The following PAX7 variants were observed in gnomAD, a reference collection of about 807,000 sequenced individuals.
PAX7 encodes the protein paired box protein Pax-7.
Under a neutral mutation model 50.7 loss-of-function variants are expected in PAX7, and 18 were observed. That is an observed-to-expected ratio of 0.36 (90% CI 0.25 to 0.53). The LOEUF (loss-of-function observed/expected upper bound fraction) is 0.53. Ranked by LOEUF, PAX7 falls within the 20% of genes least tolerant of loss-of-function variation. PAX7 has a pLI of 0.93. For missense variants in PAX7, 644 were observed against 702.9 expected (o/e 0.92, Z 0.95); for synonymous variants, 310 against 290.4 (o/e 1.07, Z -0.69).
intron 7 of PAX7, among the ~76,000 whole-genome samples, chr1:18,733,785 C>G (rs1362719635): frequency 6.6e-6 from 1 of 152,218 alleles, no homozygotes; most frequent in African/African-American, 2.4e-5. Context: ...GATGCCTCAA[C>G]CTCATTCATT....
At chr1:18,716,728 A>AT (rs1274370280) in intron 7 of PAX7, among the ~76,000 whole-genome samples, 3 of 150,692 alleles carry the variant, frequency 2.0e-5, no homozygotes, top group Non-Finnish European at 4.4e-5. Flanking sequence ...GCCTCCTCCC[A>AT]TAGCTGGCCT....
intron 8 of PAX7, among the ~76,000 whole-genome samples, chr1:18,743,312 A>G (rs1392518393): frequency 6.6e-6 from 1 of 152,236 alleles, no homozygotes; most frequent in South Asian, 2.1e-4. Context: ...AACCTCCGTC[A>G]TTTGAACCAC....
chr1:18,657,628 G>A (rs1162368526), intron 4 of PAX7, among the ~76,000 whole-genome samples: 2 of 152,108 alleles, frequency 1.3e-5, no homozygotes, highest in Non-Finnish European at 2.9e-5. Flanking sequence ...CTAGGCCCAG[G>A]GACACTTAAA....
intron 4 of PAX7, among the ~76,000 whole-genome samples, chr1:18,655,996 T>C (rs1412910414): frequency 6.6e-6 from 1 of 152,184 alleles, no homozygotes; most frequent in East Asian, 1.9e-4. Flanking sequence ...TTTACCCTCC[T>C]GGCACTCCAA....
At chr1:18,637,381 T>G (rs1005256730) in intron 4 of PAX7, among the ~76,000 whole-genome samples, 5 of 108,312 alleles carry the variant, frequency 4.6e-5, no homozygotes, top group Non-Finnish European at 9.7e-5. Flanking sequence ...TCACAAAGAC[T>G]GACAGTTAAA....
At position 18,735,301 on chromosome 1, in the gene PAX7, T is replaced by C. The variant is rs570633070; in HGVS notation, c.1156-331T>C. On this transcript the variant is annotated intron_variant, in intron 7 of 8. Transcript: ENST00000420770. The surrounding 1 kb of genome is among the most constrained non-coding windows in gnomAD (Gnocchi z 4.0). ...GCCAGTTCGTTCATTCATGCATTCA[T>C]TCATGCATTTATTCATTCAATAGAC... Among the ~76,000 whole-genome samples, 1 of 152,272 alleles carries C rather than the reference T, an allele frequency of 6.6e-6. No homozygotes were observed. Among genetic ancestry groups the C allele is most frequent in the African/African-American group, 2.4e-5 (1 of 41,558 alleles).
intron 4 of PAX7, among the ~76,000 whole-genome samples, chr1:18,675,539 G>T (rs1189046707): frequency 6.6e-6 from 1 of 152,116 alleles, no homozygotes; most frequent in Non-Finnish European, 1.5e-5. Context: ...GGCTCTGGAG[G>T]TGGGGTAATT....
intron 7 of PAX7, among the ~76,000 whole-genome samples, chr1:18,711,764 T>A (rs2089354534): frequency 6.7e-6 from 1 of 150,254 alleles, no homozygotes; most frequent in African/African-American, 2.4e-5. Flanking sequence ...CACCCCTGTT[T>A]CTCTTTCTCT....
In PAX7 at chr1:18,700,525, C is replaced by T. The variant is rs894532525; in HGVS notation, c.787-128C>T. On this transcript the variant is annotated intron_variant, in intron 5 of 8. Coordinates refer to ENST00000420770, the MANE Select transcript of PAX7 (RefSeq NM_001135254.2). The surrounding 1 kb of genome is among the most constrained non-coding windows in gnomAD (Gnocchi z 4.8). ...GCAAAGCGTCCTGTGCTGCACAATGCCGGGGCCTGCAGGAGGATGCTGGCT... is the reference window on the plus strand; with the variant it reads ...GCAAAGCGTCCTGTGCTGCACAATGTCGGGGCCTGCAGGAGGATGCTGGCT... The T allele has an allele frequency of 4.2e-5, 34 of 806,152 alleles. No individual in the cohort carries two copies. The highest frequency in any genetic ancestry group is 5.4e-5 in the Non-Finnish European group (29 of 534,116). 49.9% of individuals were successfully genotyped at this position (806,152 alleles called of 1,614,324 possible). A position where few individuals can be genotyped will look rare whatever the true frequency, so the allele number is the denominator to read the frequency against.
chr1:18,635,622 C>A (rs2100421069), intron 3 of PAX7, among the ~76,000 whole-genome samples: 1 of 152,130 alleles, frequency 6.6e-6, no homozygotes, highest in Non-Finnish European at 1.5e-5. Flanking sequence ...GAGAGCCCCC[C>A]TGGAGGCTTT....
At chr1:18,707,979 G>A (rs992245100) in intron 7 of PAX7, among the ~76,000 whole-genome samples, 1 of 152,140 alleles carries the variant, frequency 6.6e-6, no homozygotes, top group African/African-American at 2.4e-5. Context: ...ATGCTTTTCA[G>A]GAGGTTTAGA....
At chr1:18,693,027 G>A (rs1190171471) in intron 5 of PAX7, among the ~76,000 whole-genome samples, 5 of 152,168 alleles carry the variant, frequency 3.3e-5, no homozygotes, top group Non-Finnish European at 1.5e-5. Context: ...TGGCTGGAAA[G>A]GGCTGAGGCT....
chr1:18,732,110 G>A (rs1033579289), intron 7 of PAX7, among the ~76,000 whole-genome samples: 1 of 152,142 alleles, frequency 6.6e-6, no homozygotes, highest in South Asian at 2.1e-4. Context: ...TGTTCTTTCT[G>A]GTCTTGCTGG....
intron 5 of PAX7, among the ~76,000 whole-genome samples, chr1:18,692,674 G>A (rs1482851816): frequency 6.6e-6 from 1 of 152,240 alleles, no homozygotes; most frequent in Admixed American, 6.5e-5. Flanking sequence ...TTCCAAACAA[G>A]CCTAGCTTCC....
chr1:18,707,365 T>A (rs2089295918), intron 7 of PAX7, among the ~76,000 whole-genome samples: 2 of 151,850 alleles, frequency 1.3e-5, no homozygotes, highest in Admixed American at 6.6e-5. Context: ...CAAACCCATG[T>A]CTTTAGAGCC....
At chr1:18,728,109 A>G (rs758455180) in intron 7 of PAX7, among the ~76,000 whole-genome samples, 2 of 152,148 alleles carry the variant, frequency 1.3e-5, no homozygotes, top group African/African-American at 4.8e-5. Flanking sequence ...CAGTAGGGGC[A>G]TGCGTGTGTC....
intron 7 of PAX7, among the ~76,000 whole-genome samples, chr1:18,711,856 T>C (rs1282455203): frequency 6.6e-6 from 1 of 152,160 alleles, no homozygotes; most frequent in African/African-American, 2.4e-5. Context: ...TTCTTGGACC[T>C]GAAGCCGAAT....
At chr1:18,695,635 G>A (rs2089140824) in intron 5 of PAX7, among the ~76,000 whole-genome samples, 1 of 152,140 alleles carries the variant, frequency 6.6e-6, no homozygotes, top group Admixed American at 6.5e-5. Context: ...CCACATGAAG[G>A]GCAGCCAAGG....
rs977540096 is a variant in PAX7 at position 18,746,570 on chromosome 1, G to A, written c.*1641G>A. 2 of 231,404 alleles carry A rather than the reference G, an allele frequency of 8.6e-6. No individual in the cohort carries two copies. The highest frequency in any genetic ancestry group is 5.6e-5 in the Admixed American group (1 of 17,706). The allele number at this position is 231,404 out of a possible 1,614,324, so 14.3% of individuals were successfully genotyped here. A position where few individuals can be genotyped will look rare whatever the true frequency, so the allele number is the denominator to read the frequency against. On this transcript the variant is annotated 3_prime_UTR_variant, in exon 9 of 9. Transcript: ENST00000420770. ...TGAGTACAAAGCACTTGGGATGGGA[G>A]ACACAGCACTGAATTCACAAACATT...
Sources: gnomAD v4.1 joint callset for allele counts (sites outside exome capture counted in the v4.1 genomes callset) on GRCh38, gnomAD v4.1.1 for gene constraint, Gnocchi (gnomAD v3.1) non-coding constraint, MANE v1.5 for transcripts, NCBI Gene and HGNC (gene_info 2026-07-23, HGNC 2026-07-21) for gene names.